Variants in NCAM2 observed in about 807,000 individuals in gnomAD.
NCAM2 encodes the protein N-CAM-2.
NCAM2 carries 30 observed loss-of-function variants against 98.1 expected under a neutral mutation model. That is an observed-to-expected ratio of 0.31 (90% CI 0.23 to 0.41). The LOEUF (loss-of-function observed/expected upper bound fraction) is 0.41, where lower values mean the gene tolerates loss of function less well. Ranked by LOEUF, NCAM2 falls within the 10% of genes least tolerant of loss-of-function variation. The pLI, the probability that NCAM2 is intolerant of heterozygous loss-of-function variation, is 1.00. For missense variants in NCAM2, 867 were observed against 1,005.8 expected (o/e 0.86, Z 1.87); for synonymous variants, 368 against 342.4 (o/e 1.07, Z -0.83).
intron 1 of NCAM2, among the ~76,000 whole-genome samples, chr21:21,032,824 T>C (rs2064713578): frequency 6.6e-6 from 1 of 152,216 alleles, no homozygotes; most frequent in Non-Finnish European, 1.5e-5. Context: ...TTGTGTGACC[T>C]GAATCCCTCA....
chr21:21,369,148 A>T (rs554889917), intron 8 of NCAM2, among the ~76,000 whole-genome samples: 1 of 28,778 alleles, frequency 3.5e-5, no homozygotes, highest in South Asian at 2.2e-3. Flanking sequence ...TGCCCTAAGC[A>T]AACATTATTC....
intron 14 of NCAM2, among the ~76,000 whole-genome samples, chr21:21,474,689 G>A (rs374609538): frequency 3.3e-5 from 5 of 152,188 alleles, no homozygotes; most frequent in African/African-American, 1.2e-4. Flanking sequence ...CAGGGCCACA[G>A]GGACATGCAG....
At chr21:21,467,339 T>G (rs1983813440) in intron 13 of NCAM2, among the ~76,000 whole-genome samples, 1 of 149,938 alleles carries the variant, frequency 6.7e-6, no homozygotes, top group Admixed American at 6.7e-5. Context: ...ACTGAACCAC[T>G]GTTATAAAAA....
chr21:21,158,671 G>T (rs558894203), intron 1 of NCAM2, among the ~76,000 whole-genome samples: 2 of 151,654 alleles, frequency 1.3e-5, no homozygotes, highest in Admixed American at 6.6e-5. Context: ...TGACAAAGTA[G>T]CCATTGTAAC....
intron 11 of NCAM2, among the ~76,000 whole-genome samples, chr21:21,420,126 A>C (rs529253083): frequency 6.6e-6 from 1 of 152,254 alleles, no homozygotes; most frequent in African/African-American, 2.4e-5. Flanking sequence ...GAACTATAAT[A>C]ATATATTTTA....
At chr21:21,194,641 C>A (rs1204087805) in intron 1 of NCAM2, among the ~76,000 whole-genome samples, 1 of 151,844 alleles carries the variant, frequency 6.6e-6, no homozygotes, top group African/African-American at 2.4e-5. Context: ...TAAATATGTA[C>A]AAAATTAAAT....
chr21:21,063,999 C>G (rs878905509), intron 1 of NCAM2, among the ~76,000 whole-genome samples: 4 of 152,144 alleles, frequency 2.6e-5, no homozygotes, highest in Admixed American at 2.6e-4. Context: ...CAGGAAGTGG[C>G]TTGTTGTCTT....
chr21:21,108,172 G>C (rs1324163458), intron 1 of NCAM2, among the ~76,000 whole-genome samples: 1 of 151,636 alleles, frequency 6.6e-6, no homozygotes, highest in Non-Finnish European at 1.5e-5. Context: ...AAACCAAATT[G>C]TTCAACCCAA....
chr21:21,063,395 A>C (rs1177609516), intron 1 of NCAM2, among the ~76,000 whole-genome samples: 1 of 150,926 alleles, frequency 6.6e-6, no homozygotes, highest in African/African-American at 2.4e-5. Flanking sequence ...TAATTTTTGT[A>C]TTTTTAGTAG....
intron 1 of NCAM2, among the ~76,000 whole-genome samples, chr21:21,071,565 A>C (rs1325949436): frequency 1.3e-5 from 2 of 152,214 alleles, no homozygotes; most frequent in Non-Finnish European, 2.9e-5. Context: ...TTGCATTGAA[A>C]AAGGTTTATG....
chr21:21,162,868 C>A (rs1250592534), intron 1 of NCAM2, among the ~76,000 whole-genome samples: 2 of 151,942 alleles, frequency 1.3e-5, no homozygotes, highest in Non-Finnish European at 2.9e-5. Flanking sequence ...GTGAAGAAAC[C>A]GGATTGATGT....
At chr21:21,011,714 ATATTTGTAAAC>A (rs2146140920) in intron 1 of NCAM2, among the ~76,000 whole-genome samples, 1 of 152,230 alleles carries the variant, frequency 6.6e-6, no homozygotes, top group African/African-American at 2.4e-5. Context: ...ATGGGAGAAT[ATATTTGTAAAC>A]TATACCTCTG....
At chr21:21,265,052 C>G (rs111212991) in intron 1 of NCAM2, among the ~76,000 whole-genome samples, 1 of 4,552 alleles carries the variant, frequency 2.2e-4, no homozygotes, top group African/African-American at 1.1e-3. Context: ...CACATATATA[C>G]TATATATGTG....
chr21:21,362,236 A>G (rs776331453), intron 8 of NCAM2, among the ~76,000 whole-genome samples: 1 of 152,010 alleles, frequency 6.6e-6, no homozygotes, highest in Non-Finnish European at 1.5e-5. Context: ...AAATGGTTAG[A>G]TTGATTCACC....
chr21:21,115,989 G>GTGTGTGTGTGTGTGTGTC (rs796784161), intron 1 of NCAM2, among the ~76,000 whole-genome samples: 3 of 130,746 alleles, frequency 2.3e-5, no homozygotes, highest in African/African-American at 8.4e-5. Context: ...GTGTGTGTGT[G>GTGTGTGTGTGTGTGTGTC]TGTCTGTCTG....
chr21:21,295,471 C>T lies in NCAM2; in HGVS notation c.619+3230C>T, dbSNP rs116267360. Among the ~76,000 whole-genome samples the T allele has an allele frequency of 8.3e-3, 1,267 of 151,958 alleles. 17 individuals are homozygous for T. The highest frequency in any genetic ancestry group is 0.029 in the African/African-American group (1,209 of 41,484). ...GCCTTTGATATGTGAAGTATGGCGC[C>T]TCCAAAGGAAGGATTATGCATCTTC... is the stretch of plus-strand genomic sequence containing the variant. On this transcript the variant is annotated intron_variant, in intron 5 of 17. Transcript: ENST00000400546.
At chr21:21,444,202 A>G (rs1020320236) in intron 12 of NCAM2, among the ~76,000 whole-genome samples, 6 of 152,114 alleles carry the variant, frequency 3.9e-5, no homozygotes, top group Non-Finnish European at 8.8e-5. Flanking sequence ...CATGGTGGGT[A>G]AGTTTCTTGA....
intron 1 of NCAM2, among the ~76,000 whole-genome samples, chr21:21,243,796 G>C (rs550275497): frequency 6.6e-6 from 1 of 152,304 alleles, no homozygotes; most frequent in African/African-American, 2.4e-5. Context: ...ATGATGGAAA[G>C]AATAGATAGA....
At chr21:21,333,479 A>G (rs907228302) in intron 6 of NCAM2, among the ~76,000 whole-genome samples, 2 of 152,190 alleles carry the variant, frequency 1.3e-5, no homozygotes, top group Non-Finnish European at 2.9e-5. Context: ...AATGCCAACC[A>G]AATTATGGGT....
Sources: allele counts gnomAD v4.1 joint callset (sites outside exome capture counted in the v4.1 genomes callset), GRCh38; gene constraint gnomAD v4.1.1; transcripts MANE v1.5; gene names NCBI Gene and HGNC (gene_info 2026-07-23, HGNC 2026-07-21).